ANK3: variants seen among roughly 807,000 people sequenced by gnomAD.
The protein encoded by ANK3 is ankyrin 3.
A neutral mutation model predicts 370.9 loss-of-function variants in ANK3; 57 were observed. The observed-to-expected ratio is 0.15, with a 90% CI of 0.12 to 0.19. The LOEUF (loss-of-function observed/expected upper bound fraction) is 0.19. ANK3 is among the 10% of genes least tolerant of loss of function. The pLI is 1.00. For synonymous variants in ANK3, 1,929 were observed against 1,946.3 expected (o/e 0.99, Z 0.23); for missense variants, 4,439 against 5,302.1 (o/e 0.84, Z 5.06).
chr10:60,286,304 G>A (rs1018467655), intron 1 of ANK3, among the ~76,000 whole-genome samples: 12 of 151,982 alleles, frequency 7.9e-5, no homozygotes, highest in African/African-American at 2.9e-4. Flanking sequence ...CTTAGTCTTA[G>A]TACTTAAGAG....
At chr10:60,671,237 T>G (rs567700241) in intron 1 of ANK3, among the ~76,000 whole-genome samples, 1 of 152,224 alleles carries the variant, frequency 6.6e-6, no homozygotes, top group Non-Finnish European at 1.5e-5. Flanking sequence ...CCTCCCCACC[T>G]GTCCCTCACC....
At chr10:60,501,241 G>A (rs565982540) in intron 2 of ANK3, among the ~76,000 whole-genome samples, 2 of 152,146 alleles carry the variant, frequency 1.3e-5, no homozygotes, top group Non-Finnish European at 2.9e-5. Context: ...GGAGGAGGAC[G>A]GAATGAAAAC....
chr10:60,220,725 C>T (rs189276785), intron 8 of ANK3, among the ~76,000 whole-genome samples: 781 of 152,214 alleles, frequency 5.1e-3, no homozygotes, highest in Middle Eastern at 0.044. Context: ...TGTCTTGTGT[C>T]TCCCTAAAAT....
At chr10:60,516,469 G>A (rs1367993830) in intron 2 of ANK3, among the ~76,000 whole-genome samples, 1 of 152,080 alleles carries the variant, frequency 6.6e-6, no homozygotes, top group Non-Finnish European at 1.5e-5. Flanking sequence ...GCAGCTTCAA[G>A]CTTGGTTTTC....
chr10:60,480,245 G>A (rs2075176745), intron 2 of ANK3, among the ~76,000 whole-genome samples: 1 of 152,110 alleles, frequency 6.6e-6, no homozygotes, highest in African/African-American at 2.4e-5. Flanking sequence ...AGTTTAAAAT[G>A]TCCATGAGAG....
chr10:60,278,996 A>G, intron 3 of ANK3, 54 bp downstream of exon 3: 1 of 1,583,390 alleles, frequency 6.3e-7, no homozygotes, highest in Non-Finnish European at 8.7e-7. Context: ...TGAGGGCTGA[A>G]TCCTCACAGA....
intron 25 of ANK3, among the ~76,000 whole-genome samples, chr10:60,122,960 T>C (rs1218658310): frequency 6.6e-6 from 1 of 152,212 alleles, no homozygotes; most frequent in Non-Finnish European, 1.5e-5. Context: ...TTAACAGCAC[T>C]ACCACAACTT....
In ANK3 at chr10:60,080,600, GTCTA is replaced by G. The variant is rs2084966849; in HGVS notation, c.4365_4368del (p.Arg1456AspfsTer7). ...AAAGCTAAGGATGCGAAGCTCTGTC[GTCTA>G]TCTGTTTTCTCAATCTGAAAAGGAA... On this transcript the variant is annotated frameshift_variant, in exon 36 of 44. Coordinates refer to ENST00000280772, the MANE Select transcript of ANK3 (RefSeq NM_020987.5). LOFTEE classifies it high-confidence loss of function. The G allele has an allele frequency of 6.3e-7, 1 of 1,590,736 alleles. No homozygotes were observed. The highest frequency in any genetic ancestry group is 8.5e-7 in the Non-Finnish European group (1 of 1,172,840).
rs36033791 is a variant in ANK3, at chr10:60,141,561, G to GTTTTTTTTTTTTTTT, written c.2615-2489_2615-2475dup. Among the ~76,000 whole-genome samples the GTTTTTTTTTTTTTTT allele has an allele frequency of 5.1e-4, 25 of 49,024 alleles. 1 individual carries two copies. The highest frequency in any genetic ancestry group is 2.3e-3 in the African/African-American group (25 of 10,748). The allele number at this position is 49,024 out of a possible 152,430, so 32.2% of individuals were successfully genotyped here. ...CACTGGAGAGGCCATTTCAATTGCT[G>GTTTTTTTTTTTTTTT]TTTTTTTTTTTTTTTTTTTTTTTTT... On this transcript the variant is annotated intron_variant, in intron 23 of 43. Transcript: ENST00000280772.
chr10:60,659,880 T>G (rs1200958997), intron 1 of ANK3, among the ~76,000 whole-genome samples: 2 of 152,248 alleles, frequency 1.3e-5, no homozygotes, highest in African/African-American at 4.8e-5. Flanking sequence ...CTATGAGACT[T>G]TGAAACAAAT....
chr10:60,285,509 C>T (rs914710436), intron 1 of ANK3, among the ~76,000 whole-genome samples: 53 of 152,252 alleles, frequency 3.5e-4, no homozygotes, highest in African/African-American at 1.2e-3. Flanking sequence ...ATCACCTTCT[C>T]TTTCTTGAAA....
chr10:60,420,401 A>G (rs1272562646), intron 2 of ANK3, among the ~76,000 whole-genome samples: 1 of 152,096 alleles, frequency 6.6e-6, no homozygotes, highest in Non-Finnish European at 1.5e-5. Flanking sequence ...GTCTAGCTGA[A>G]GAGAGAAGGA....
chr10:60,517,141 T>A (rs1032750971), intron 2 of ANK3, among the ~76,000 whole-genome samples: 3 of 152,118 alleles, frequency 2.0e-5, no homozygotes, highest in African/African-American at 7.2e-5. Context: ...CTTGGCTCAC[T>A]GTAAACTCCA....
At chr10:60,236,688 C>T (rs772214756) in intron 7 of ANK3, among the ~76,000 whole-genome samples, 2 of 152,150 alleles carry the variant, frequency 1.3e-5, no homozygotes, top group African/African-American at 4.8e-5. Flanking sequence ...TCTCTTTGCT[C>T]ACTATTCTTA....
At chr10:60,159,174 G>A (rs932077051) in intron 23 of ANK3, among the ~76,000 whole-genome samples, 2 of 152,104 alleles carry the variant, frequency 1.3e-5, no homozygotes, top group South Asian at 2.1e-4. Context: ...AAGACTGAAC[G>A]ATATGCTGTC....
At chr10:60,131,540 G>A (rs2094068651) in intron 25 of ANK3, among the ~76,000 whole-genome samples, 1 of 152,178 alleles carries the variant, frequency 6.6e-6, no homozygotes, top group African/African-American at 2.4e-5. Flanking sequence ...CTGACTACAA[G>A]AGCATCAGTT....
chr10:60,052,032 A>C (rs966460984), intron 42 of ANK3, among the ~76,000 whole-genome samples: 4 of 152,172 alleles, frequency 2.6e-5, no homozygotes, highest in African/African-American at 9.7e-5. Flanking sequence ...CAAATTTGAC[A>C]ACCTTATTAA....
chr10:60,524,857 G>A (rs1177915285), intron 2 of ANK3, among the ~76,000 whole-genome samples: 2 of 152,046 alleles, frequency 1.3e-5, no homozygotes, highest in Admixed American at 6.6e-5. Context: ...AAAGCATGAG[G>A]AGTCCATGAA....
intron 2 of ANK3, among the ~76,000 whole-genome samples, chr10:60,562,837 G>A (rs723009): frequency 0.68 from 102,566 of 151,618 alleles, 35,382 homozygotes; most frequent in South Asian, 0.88. Flanking sequence ...GGGAATTTTT[G>A]TTTGAGACAG....
Sources: gnomAD v4.1 joint callset for allele counts (sites outside exome capture counted in the v4.1 genomes callset) on GRCh38, gnomAD v4.1.1 for gene constraint, MANE v1.5 for transcripts, NCBI Gene and HGNC (gene_info 2026-07-23, HGNC 2026-07-21) for gene names.